SCP2: variants seen among roughly 807,000 people sequenced by gnomAD.
SCP2 encodes the protein SCP-2/3-oxoacyl-CoA thiolase.
SCP2 carries 48 observed loss-of-function variants against 71.4 expected under a neutral mutation model. The ratio of observed to expected loss-of-function variants is 0.67; its 90% CI spans 0.53 to 0.86. SCP2 has a LOEUF of 0.86. Among genes scored for constraint, SCP2 ranks in the 40% least tolerant of loss-of-function variants. The probability of loss-of-function intolerance (pLI) is 0.00; values close to 1 mark genes in which losing one functional copy is unlikely to be tolerated. For missense variants in SCP2, 560 were observed against 655.6 expected, an observed-to-expected ratio of 0.85 and a Z score of 1.59; for synonymous variants, 220 against 218.1, an observed-to-expected ratio of 1.01 and a Z score of -0.08.
At chr1:53,014,044 T>C (rs1011100584) in intron 11 of SCP2, among the ~76,000 whole-genome samples, 4 of 149,934 alleles carry the variant, frequency 2.7e-5, no homozygotes, top group South Asian at 2.1e-4. Context: ...TAGAGGCGCC[T>C]GCCACCACGC....
intron 13 of SCP2, among the ~76,000 whole-genome samples, chr1:53,034,089 C>G (rs145868589): frequency 5.5e-4 from 83 of 152,150 alleles, no homozygotes; most frequent in African/African-American, 1.9e-3. Context: ...CATGGTAAAA[C>G]CCCATCTCTA....
chr1:53,029,671 G>A (rs1662386571), intron 13 of SCP2, among the ~76,000 whole-genome samples: 1 of 152,150 alleles, frequency 6.6e-6, no homozygotes, highest in South Asian at 2.1e-4. Context: ...TGGGAATACA[G>A]GTGATATAAC....
chr1:52,998,591 C>T (rs532266673), intron 11 of SCP2, among the ~76,000 whole-genome samples: 7 of 149,302 alleles, frequency 4.7e-5, no homozygotes, highest in South Asian at 2.1e-4. Flanking sequence ...ATTAGTCAGG[C>T]GTGGTGGCGC....
intron 6 of SCP2, among the ~76,000 whole-genome samples, chr1:52,968,068 G>A (rs1358015020): frequency 6.6e-6 from 1 of 152,136 alleles, no homozygotes; most frequent in African/African-American, 2.4e-5. Flanking sequence ...AGCCTCCTGA[G>A]TAACTGAGAC....
At position 53,050,914 on chromosome 1, in the gene SCP2, A is replaced by G. The variant is rs188281484; in HGVS notation, c.*210A>G. 2 of 462,908 alleles carry G rather than the reference A, an allele frequency of 4.3e-6. No homozygotes were observed. The highest frequency in any genetic ancestry group is 3.6e-5 in the Admixed American group (1 of 27,400). 28.7% of individuals were successfully genotyped at this position (462,908 alleles called of 1,614,324 possible). A position where few individuals can be genotyped will look rare whatever the true frequency, so the allele number is the denominator to read the frequency against. On this transcript the variant is annotated 3_prime_UTR_variant, in exon 16 of 16. Coordinates refer to ENST00000371514, the MANE Select transcript of SCP2 (RefSeq NM_002979.5). ...CTACTGCTTTGCGGAATTGCATACA[A>G]CTGTGCATTACAAAGTTAATATGGT...
chr1:53,013,642 G>C (rs571456154), intron 11 of SCP2, among the ~76,000 whole-genome samples: 11 of 152,024 alleles, frequency 7.2e-5, no homozygotes, highest in Non-Finnish European at 8.8e-5. Flanking sequence ...ATGAGGTCTT[G>C]CTATGTTGTC....
intron 6 of SCP2, among the ~76,000 whole-genome samples, chr1:52,974,483 G>A (rs1657773388): frequency 6.6e-6 from 1 of 152,058 alleles, no homozygotes; most frequent in African/African-American, 2.4e-5. Context: ...AAACCACCAT[G>A]TTTCTTGTTT....
chr1:52,992,879 G>A (rs1208256735), intron 11 of SCP2, among the ~76,000 whole-genome samples: 3 of 152,122 alleles, frequency 2.0e-5, no homozygotes, highest in Non-Finnish European at 4.4e-5. Flanking sequence ...GCTTCAGCTT[G>A]GCAAACAGCT....
At chr1:52,970,032 C>T (rs1003388704) in intron 6 of SCP2, among the ~76,000 whole-genome samples, 4 of 152,140 alleles carry the variant, frequency 2.6e-5, no homozygotes, top group African/African-American at 9.7e-5. Flanking sequence ...AAATGTATCA[C>T]ATTGATTCTG....
chr1:53,027,733 G>A (rs1456429188), intron 12 of SCP2, among the ~76,000 whole-genome samples: 1 of 152,144 alleles, frequency 6.6e-6, no homozygotes, highest in African/African-American at 2.4e-5. Context: ...TCGAACTCCC[G>A]ACTACAGGTG....
chr1:52,994,835 A>G (rs1659807403), intron 11 of SCP2: 3 of 511,248 alleles, frequency 5.9e-6, no homozygotes, highest in Admixed American at 4.7e-5. Context: ...AGCACCTAAC[A>G]TGGGGACAGC....
intron 15 of SCP2, chr1:53,049,241 C>G (rs1046197976): frequency 1.3e-5 from 2 of 152,220 alleles, no homozygotes; most frequent in African/African-American, 4.8e-5. Context: ...ACATCAGCTG[C>G]CTTCATTCTC....
intron 14 of SCP2, among the ~76,000 whole-genome samples, chr1:53,044,597 T>G (rs1016469426): frequency 2.0e-5 from 3 of 152,202 alleles, no homozygotes; most frequent in African/African-American, 7.2e-5. Flanking sequence ...CATACACATA[T>G]AAGTAGTTTC....
At chr1:53,021,653 T>G (rs796382517) in intron 12 of SCP2, among the ~76,000 whole-genome samples, 14,733 of 147,454 alleles carry the variant, frequency 0.1, 1,477 homozygotes, top group African/African-American at 0.22. Context: ...TTCTTTTTTT[T>G]TTTTTTTTTG....
intron 6 of SCP2, among the ~76,000 whole-genome samples, chr1:52,972,806 T>C (rs537869268): frequency 4.4e-4 from 67 of 152,238 alleles, no homozygotes; most frequent in Non-Finnish European, 4.9e-4. Flanking sequence ...TTCTCTTAAC[T>C]ACTCTCATTA....
In SCP2 at chr1:52,972,856, T is replaced by C. The variant is rs187000955; in HGVS notation, c.524-1913T>C. 5.5e-3 allele frequency among the ~76,000 whole-genome samples: 838 copies of C among 152,368 alleles called. 3 individuals carry two copies. The highest frequency in any genetic ancestry group is 0.019 in the African/African-American group (778 of 41,592). ...CCCATAAGCAGTCTAATTGCTGTAC[T>C]GTGATCCCATGTAAGCTATTCTGCT... On this transcript the variant is annotated intron_variant, in intron 6 of 15. Transcript: ENST00000371514.
intron 2 of SCP2, among the ~76,000 whole-genome samples, chr1:52,942,473 A>G (rs898742649): frequency 2.0e-5 from 3 of 152,118 alleles, no homozygotes; most frequent in Non-Finnish European, 4.4e-5. Context: ...GAGACGTGCC[A>G]CGACCAGGCT....
intron 6 of SCP2, among the ~76,000 whole-genome samples, chr1:52,973,131 G>A (rs980185672): frequency 6.6e-6 from 1 of 152,222 alleles, no homozygotes; most frequent in East Asian, 1.9e-4. Context: ...GCTGAGGTTA[G>A]AAGTTAGTGC....
chr1:53,030,394 G>A (rs1662450502), intron 13 of SCP2, among the ~76,000 whole-genome samples: 1 of 152,106 alleles, frequency 6.6e-6, no homozygotes, highest in African/African-American at 2.4e-5. Flanking sequence ...GGTTGGCTAC[G>A]TGCATTTTGT....
Sources: allele counts gnomAD v4.1 joint callset (sites outside exome capture counted in the v4.1 genomes callset), GRCh38; gene constraint gnomAD v4.1.1; transcripts MANE v1.5; gene names NCBI Gene and HGNC (gene_info 2026-07-23, HGNC 2026-07-21).